Variants in CNTN4 observed in about 807,000 individuals in gnomAD.
The protein encoded by CNTN4 is contactin-4.
In CNTN4, 77 loss-of-function variants were observed where a neutral mutation model predicts 122.5. The ratio of observed to expected loss-of-function variants is 0.63; its 90% CI spans 0.52 to 0.76. The LOEUF is 0.76. CNTN4 is among the 30% of genes least tolerant of loss of function. CNTN4 has a pLI of 0.00. For missense variants in CNTN4, 1,256 were observed against 1,259.1 expected (o/e 1.00, Z 0.04); for synonymous variants, 512 against 447.0 (o/e 1.15, Z -1.83).
At chr3:2,883,376 T>G in intron 9 of CNTN4, 129 bp downstream of exon 9, 1 of 711,148 alleles carries the variant, frequency 1.4e-6, no homozygotes, top group Admixed American at 2.0e-5. Flanking sequence ...TCTTTGTAAT[T>G]CTGTGTATGC....
chr3:2,952,729 A>C (rs2094758750), intron 13 of CNTN4, among the ~76,000 whole-genome samples: 1 of 152,154 alleles, frequency 6.6e-6, no homozygotes, highest in African/African-American at 2.4e-5. Flanking sequence ...TGAACAGTTC[A>C]GTTTCTTCTT....
intron 2 of CNTN4, among the ~76,000 whole-genome samples, chr3:2,214,981 A>G (rs563286448): frequency 6.6e-6 from 1 of 152,356 alleles, no homozygotes; most frequent in Non-Finnish European, 1.5e-5. Flanking sequence ...ATACCAATTC[A>G]TATCCATGTA....
intron 2 of CNTN4, among the ~76,000 whole-genome samples, chr3:2,320,824 CTCTT>C (rs2043253068): frequency 6.6e-6 from 1 of 152,070 alleles, no homozygotes; most frequent in Non-Finnish European, 1.5e-5. Flanking sequence ...TACCATTAAC[CTCTT>C]TCTTTAAGGG....
At chr3:2,858,372 T>G (rs1233769739) in intron 7 of CNTN4, among the ~76,000 whole-genome samples, 2 of 152,186 alleles carry the variant, frequency 1.3e-5, no homozygotes, top group Admixed American at 6.5e-5. Flanking sequence ...GACATTGTGT[T>G]GTATCACTCA....
At chr3:2,806,185 G>A (rs1209719315) in intron 6 of CNTN4, among the ~76,000 whole-genome samples, 1 of 152,184 alleles carries the variant, frequency 6.6e-6, no homozygotes, top group Non-Finnish European at 1.5e-5. Context: ...ACAGGCGTGA[G>A]CCACCGCGCC....
rs147213414 is a variant in CNTN4 at position 2,821,454 on chromosome 3, T to C, written c.454+1873T>C. On this transcript the variant is annotated intron_variant, in intron 7 of 24. Coordinates refer to ENST00000418658, the MANE Select transcript of CNTN4 (RefSeq NM_175607.3). ...AGGCAATGATTTGTTTTTGCTTGTTTTTGTCCATTTCAATTTACCTTTATT... is the reference window on the plus strand; with the variant it reads ...AGGCAATGATTTGTTTTTGCTTGTTCTTGTCCATTTCAATTTACCTTTATT... Among the ~76,000 whole-genome samples, 1,361 of 152,346 alleles carry C rather than the reference T, an allele frequency of 8.9e-3. 23 individuals carry two copies. The highest frequency in any genetic ancestry group is 0.031 in the African/African-American group (1,305 of 41,584).
At chr3:2,929,360 T>A (rs1336978702) in intron 13 of CNTN4, among the ~76,000 whole-genome samples, 1 of 152,180 alleles carries the variant, frequency 6.6e-6, no homozygotes, top group Non-Finnish European at 1.5e-5. Flanking sequence ...AAGACTGAAG[T>A]TGACCTATTA....
chr3:2,139,124 A>C (rs2034855400), intron 2 of CNTN4, among the ~76,000 whole-genome samples: 2 of 152,144 alleles, frequency 1.3e-5, no homozygotes, highest in Non-Finnish European at 2.9e-5. Context: ...GCCAGTGTTT[A>C]TAAATATTCC....
intron 3 of CNTN4, among the ~76,000 whole-genome samples, chr3:2,356,928 A>G (rs2044898275): frequency 6.6e-6 from 1 of 152,226 alleles, no homozygotes; most frequent in Non-Finnish European, 1.5e-5. Flanking sequence ...AGATACTGTT[A>G]AAGACTAGCA....
intron 2 of CNTN4, among the ~76,000 whole-genome samples, chr3:2,144,860 T>A (rs1249680141): frequency 6.6e-6 from 1 of 152,210 alleles, no homozygotes; most frequent in African/African-American, 2.4e-5. Context: ...TTTCTCAACA[T>A]CGAAGCTGTC....
chr3:2,445,895 A>G (rs2048608586), intron 3 of CNTN4, among the ~76,000 whole-genome samples: 1 of 152,070 alleles, frequency 6.6e-6, no homozygotes, highest in South Asian at 2.1e-4. Context: ...GGGGAAGCCT[A>G]CATTGTCTGC....
chr3:2,564,816 G>A (rs190470317), intron 3 of CNTN4, among the ~76,000 whole-genome samples: 4 of 152,200 alleles, frequency 2.6e-5, no homozygotes, highest in African/African-American at 7.2e-5. Flanking sequence ...TGAGAAATCC[G>A]TAGTGGGTTT....
intron 12 of CNTN4, among the ~76,000 whole-genome samples, chr3:2,906,639 C>T (rs996801423): frequency 2.6e-4 from 39 of 151,444 alleles, no homozygotes; most frequent in Admixed American, 2.3e-3. Flanking sequence ...GGAGATCGAG[C>T]CCAGCCTAGC....
intron 3 of CNTN4, among the ~76,000 whole-genome samples, chr3:2,355,169 C>T (rs1298116574): frequency 6.6e-6 from 1 of 152,200 alleles, no homozygotes; most frequent in East Asian, 1.9e-4. Flanking sequence ...TTTCTCCTAA[C>T]TTCTGACCTG....
chr3:2,662,621 CAGCTAACT>C (rs2083952664), intron 4 of CNTN4, among the ~76,000 whole-genome samples: 1 of 152,120 alleles, frequency 6.6e-6, no homozygotes, highest in South Asian at 2.1e-4. Context: ...GTTTGGTAAG[CAGCTAACT>C]AGTCTCAACC....
intron 4 of CNTN4, among the ~76,000 whole-genome samples, chr3:2,676,671 G>A (rs971404914): frequency 6.6e-6 from 1 of 152,206 alleles, no homozygotes; most frequent in Admixed American, 6.5e-5. Flanking sequence ...GGAAAGAAAC[G>A]ACATGGGAAT....
chr3:2,830,288 T>C (rs2093075112), intron 7 of CNTN4, among the ~76,000 whole-genome samples: 1 of 152,176 alleles, frequency 6.6e-6, no homozygotes, highest in African/African-American at 2.4e-5. Context: ...ATTTTCTTTT[T>C]AAACATCCAA....
intron 4 of CNTN4, among the ~76,000 whole-genome samples, chr3:2,708,219 T>C (rs1050999192): frequency 1.3e-5 from 2 of 152,150 alleles, no homozygotes; most frequent in African/African-American, 4.8e-5. Flanking sequence ...GAAGTTAAAA[T>C]ATATAATTCT....
intron 2 of CNTN4, among the ~76,000 whole-genome samples, chr3:2,334,522 A>C (rs2043865223): frequency 6.6e-6 from 1 of 151,974 alleles, no homozygotes; most frequent in South Asian, 2.1e-4. Flanking sequence ...AGATGATAAC[A>C]ACAAACTACA....
Sources: allele counts gnomAD v4.1 joint callset (sites outside exome capture counted in the v4.1 genomes callset), GRCh38; gene constraint gnomAD v4.1.1; transcripts MANE v1.5; gene names NCBI Gene and HGNC (gene_info 2026-07-23, HGNC 2026-07-21).